The following CACNA1C variants were observed in gnomAD, a reference collection of about 807,000 sequenced individuals.
CACNA1C encodes calcium voltage-gated channel subunit alpha1 C.
CACNA1C carries 30 observed loss-of-function variants against 229.0 expected under a neutral mutation model. The observed-to-expected ratio is 0.13, with a 90% confidence interval of 0.10 to 0.18. The LOEUF is 0.18. Among genes scored for constraint, CACNA1C ranks in the 10% least tolerant of loss-of-function variants. The pLI, the probability that CACNA1C is intolerant of heterozygous loss-of-function variation, is 1.00. For missense variants in CACNA1C, 1,658 were observed against 2,845.0 expected, an observed-to-expected ratio of 0.58 and a Z score of 9.49; for synonymous variants, 1,114 against 1,132.5, an observed-to-expected ratio of 0.98 and a Z score of 0.33.
chr12:2,590,741 G>A (rs779534334), intron 18 of CACNA1C, among the ~76,000 whole-genome samples: 2 of 152,146 alleles, frequency 1.3e-5, no homozygotes, highest in African/African-American at 2.4e-5. Context: ...AAGTTCGAAT[G>A]GCACAAAGCT....
At chr12:2,218,695 T>C (rs1555332381) in intron 3 of CACNA1C, among the ~76,000 whole-genome samples, 1 of 152,256 alleles carries the variant, frequency 6.6e-6, no homozygotes, top group Non-Finnish European at 1.5e-5. Context: ...AAACATTTGA[T>C]GTCCGGGCTA....
rs2097785590 is a variant in CACNA1C at position 2,691,305 on chromosome 12, C to T, written c.*106C>T. ...CGTGACCTGGAGTTAACCGGAACAG[C>T]GTCTTCATTCATTTCTGTTGGGACC... On this transcript the variant is annotated 3_prime_UTR_variant, in exon 47 of 47. Coordinates refer to ENST00000399655, the MANE Select transcript of CACNA1C (RefSeq NM_000719.7). The T allele has an allele frequency of 9.4e-6, 11 of 1,168,514 alleles. No homozygotes were observed. Among genetic ancestry groups the T allele is most frequent in the Non-Finnish European group, 1.3e-5 (11 of 873,064 alleles). The allele number at this position is 1,168,514 out of a possible 1,614,324, so 72.4% of individuals were successfully genotyped here. A position where few individuals can be genotyped will look rare whatever the true frequency, so the allele number is the denominator to read the frequency against.
At chr12:2,210,557 T>C (rs1477553932) in intron 3 of CACNA1C, among the ~76,000 whole-genome samples, 1 of 152,190 alleles carries the variant, frequency 6.6e-6, no homozygotes, top group Non-Finnish European at 1.5e-5. Flanking sequence ...AGTTTATAAG[T>C]GGATTTTTAA....
At chr12:1,983,705 C>T (rs2036816409) in intron 1 of CACNA1C, among the ~76,000 whole-genome samples, 1 of 151,960 alleles carries the variant, frequency 6.6e-6, no homozygotes, top group African/African-American at 2.4e-5. Context: ...TGCTGTCATT[C>T]GATAGAATAT....
intron 9 of CACNA1C, among the ~76,000 whole-genome samples, chr12:2,521,335 C>T (rs927961554): frequency 1.3e-5 from 2 of 152,174 alleles, no homozygotes; most frequent in Non-Finnish European, 2.9e-5. Context: ...CCACCGGGAC[C>T]TCTCCTGCAG....
At chr12:2,163,640 C>A (rs576157565) in intron 3 of CACNA1C, among the ~76,000 whole-genome samples, 14 of 152,266 alleles carry the variant, frequency 9.2e-5, no homozygotes, top group South Asian at 6.2e-4. Context: ...CCAGCATGGT[C>A]CAGGTGCCAG....
At chr12:2,567,383 T>C (rs2051696601) in intron 12 of CACNA1C, among the ~76,000 whole-genome samples, 186 bp from the exon 13 acceptor site, 1 of 152,256 alleles carries the variant, frequency 6.6e-6, no homozygotes, top group Non-Finnish European at 1.5e-5. Context: ...ATGTCTGTTA[T>C]GATTGTGACG....
intron 3 of CACNA1C, among the ~76,000 whole-genome samples, chr12:2,331,499 A>G (rs987585274): frequency 2.6e-5 from 4 of 152,246 alleles, no homozygotes; most frequent in African/African-American, 9.6e-5. Flanking sequence ...AGGACACAGA[A>G]GTCCCATCCA....
intron 5 of CACNA1C, among the ~76,000 whole-genome samples, chr12:2,470,237 A>C (rs943529609): frequency 1.3e-5 from 2 of 152,204 alleles, no homozygotes; most frequent in African/African-American, 4.8e-5. Flanking sequence ...TATAATCATC[A>C]CAAGAGACAA....
chr12:1,992,901 G>A (rs1033657870), intron 1 of CACNA1C: 32 of 520,558 alleles, frequency 6.1e-5, no homozygotes, highest in South Asian at 1.5e-4. Context: ...TAGCAGACTC[G>A]TTAATTCTTC....
At chr12:2,520,816 G>A (rs1359921747) in intron 9 of CACNA1C, among the ~76,000 whole-genome samples, 2 of 151,314 alleles carry the variant, frequency 1.3e-5, no homozygotes, top group South Asian at 4.2e-4. Flanking sequence ...ATTGCCCAAT[G>A]GCCGTGTGCT....
At chr12:2,306,451 G>T (rs2095033133) in intron 3 of CACNA1C, among the ~76,000 whole-genome samples, 1 of 152,180 alleles carries the variant, frequency 6.6e-6, no homozygotes, top group South Asian at 2.1e-4. Context: ...TAGCTAGTTT[G>T]AATCCTAGCA....
chr12:2,265,951 C>T (rs1240562720), intron 3 of CACNA1C, among the ~76,000 whole-genome samples: 3 of 152,380 alleles, frequency 2.0e-5, no homozygotes, highest in South Asian at 2.1e-4. Flanking sequence ...CTGCGCTCCA[C>T]GCTCCTATCC....
intron 3 of CACNA1C, among the ~76,000 whole-genome samples, chr12:2,333,379 C>T (rs1206755329): frequency 2.0e-5 from 3 of 152,164 alleles, no homozygotes; most frequent in Non-Finnish European, 2.9e-5. Flanking sequence ...GAACTGGGGG[C>T]GCTGGCCCCC....
intron 3 of CACNA1C, among the ~76,000 whole-genome samples, chr12:2,291,558 C>T (rs551861575): frequency 6.6e-6 from 1 of 152,314 alleles, no homozygotes; most frequent in Non-Finnish European, 1.5e-5. Flanking sequence ...TTTGTTCGGT[C>T]TTGTGTTTAG....
intron 3 of CACNA1C, among the ~76,000 whole-genome samples, chr12:2,334,530 C>T (rs1210597300): frequency 2.6e-5 from 4 of 152,188 alleles, no homozygotes; most frequent in Non-Finnish European, 5.9e-5. Flanking sequence ...TCCAGCCAGG[C>T]ACGGTGGTTC....
chr12:2,643,591 CT>C (rs2153615118), intron 30 of CACNA1C, among the ~76,000 whole-genome samples: 1 of 152,280 alleles, frequency 6.6e-6, no homozygotes, highest in African/African-American at 2.4e-5. Flanking sequence ...TGCCTTTGGC[CT>C]CCTTAAAATG....
intron 3 of CACNA1C, among the ~76,000 whole-genome samples, chr12:2,163,987 T>C (rs566886237): frequency 3.1e-4 from 47 of 152,262 alleles, no homozygotes; most frequent in Admixed American, 1.6e-3. Flanking sequence ...GCTGCGTAAT[T>C]GGAAAACCAA....
intron 1 of CACNA1C, among the ~76,000 whole-genome samples, chr12:2,080,106 A>G (rs1166340326): frequency 6.6e-6 from 1 of 151,886 alleles, no homozygotes; most frequent in Non-Finnish European, 1.5e-5. Flanking sequence ...ACTAAAAATA[A>G]CAAAAATTAT....
Sources: allele counts gnomAD v4.1 joint callset (sites outside exome capture counted in the v4.1 genomes callset), GRCh38; gene constraint gnomAD v4.1.1; transcripts MANE v1.5; gene names NCBI Gene and HGNC (gene_info 2026-07-23, HGNC 2026-07-21).